USP35: variants seen among roughly 807,000 people sequenced by gnomAD.
USP35 encodes ubiquitin specific peptidase 35.
USP35 carries 69 observed loss-of-function variants against 83.8 expected under a neutral mutation model. The ratio of observed to expected loss-of-function variants is 0.82; its 90% CI spans 0.68 to 1.01. The LOEUF (loss-of-function observed/expected upper bound fraction) is 1.01. Ranked by LOEUF, USP35 falls within the 50% of genes least tolerant of loss-of-function variation. The pLI, the probability that USP35 is intolerant of heterozygous loss-of-function variation, is 0.00. For synonymous variants in USP35, 714 were observed against 589.5 expected (o/e 1.21, Z -3.06); for missense variants, 1,503 against 1,362.5 (o/e 1.10, Z -1.62).
the USP35 span, among the ~76,000 whole-genome samples, chr11:78,233,040 G>GTTTTTTTTTTTTTTTT: frequency 2.3e-3 from 303 of 131,892 alleles, 23 homozygotes; most frequent in African/African-American, 8.4e-3. Context: ...GCACTGTTAA[G>GTTTTTTTTTTTTTTTT]TTTTTTTTTT....
the USP35 span, among the ~76,000 whole-genome samples, chr11:78,233,480 C>T: frequency 6.6e-6 from 1 of 152,168 alleles, no homozygotes; most frequent in African/African-American, 2.4e-5. Context: ...AATCTATTCA[C>T]ATTTTTTGCC....
intron 10 of USP35, among the ~76,000 whole-genome samples, chr11:78,212,403 G>A (rs1164622232): frequency 6.6e-6 from 1 of 152,158 alleles, no homozygotes; most frequent in Non-Finnish European, 1.5e-5. Flanking sequence ...TTTTTGCTTA[G>A]GATGGTCTTG....
chr11:78,206,017 CCTTATTCATGG>C lies in USP35; in HGVS notation c.1375_1385del (p.Leu459ValfsTer2). On this transcript the variant is annotated frameshift_variant, in exon 7 of 11. Transcript: ENST00000529308. LOFTEE classifies it high-confidence loss of function. ...TGCTATGTCAACAGCATCCTTCAGG[CCTTATTCATGG>C]CGTCTGAGTAGGTGCTGCTTTGGAA... 1 of 1,613,568 alleles carries C rather than the reference CCTTATTCATGG, an allele frequency of 6.2e-7. No homozygotes were observed. The highest frequency in any genetic ancestry group is 8.5e-7 in the Non-Finnish European group (1 of 1,179,516).
the USP35 span, chr11:78,223,418 G>A: frequency 5.9e-6 from 9 of 1,525,420 alleles, no homozygotes; most frequent in Non-Finnish European, 7.9e-6. Context: ...TTACCTTTCC[G>A]ATCAGGTTTG....
chr11:78,229,121 C>T, the USP35 span, among the ~76,000 whole-genome samples: 1 of 152,280 alleles, frequency 6.6e-6, no homozygotes, highest in Middle Eastern at 3.4e-3. Flanking sequence ...TAGCTGCTGA[C>T]AGTTGGTATC....
chr11:78,208,822 G>GCTCC, intron 8 of USP35, 35 bp from the exon 9 acceptor site: 1 of 1,612,042 alleles, frequency 6.2e-7, no homozygotes, highest in Non-Finnish European at 8.5e-7. Context: ...GTGGCCTCCT[G>GCTCC]CTCCTGACCA....
chr11:78,207,713 C>A, intron 8 of USP35, 90 bp downstream of exon 8: 1 of 1,314,720 alleles, frequency 7.6e-7, no homozygotes, highest in African/African-American at 1.5e-5. Context: ...GACCTGCCTG[C>A]ATCTGGCTGT....
At chr11:78,190,986 T>A (rs896915711) in intron 1 of USP35, among the ~76,000 whole-genome samples, 5 of 152,112 alleles carry the variant, frequency 3.3e-5, no homozygotes, top group African/African-American at 9.7e-5. Flanking sequence ...TTATTCTGGG[T>A]CCAAGGGGCT....
At chr11:78,203,272 G>GA (rs1863415749) in intron 6 of USP35, among the ~76,000 whole-genome samples, 1 of 152,176 alleles carries the variant, frequency 6.6e-6, no homozygotes, top group Non-Finnish European at 1.5e-5. Context: ...TACGGGGACT[G>GA]AAAAAGGACA....
the USP35 span, chr11:78,220,337 G>C: frequency 6.2e-7 from 1 of 1,612,674 alleles, no homozygotes; most frequent in Non-Finnish European, 8.5e-7. Flanking sequence ...GGGGGCTTGG[G>C]GAGCTCGGCT....
At chr11:78,213,181 TGA>T (rs1863866490) in intron 10 of USP35, among the ~76,000 whole-genome samples, 1 of 152,288 alleles carries the variant, frequency 6.6e-6, no homozygotes, top group Admixed American at 6.5e-5. Context: ...GGCCTGAGGC[TGA>T]GTCAGGCTCT....
At chr11:78,215,506 G>GTGAT (rs1481426211), downstream of USP35, 8 of 152,634 alleles carry the variant, frequency 5.2e-5, no homozygotes, top group South Asian at 2.1e-4. Flanking sequence ...GGCACCAACA[G>GTGAT]TGATTTGAAA....
chr11:78,203,481 T>C (rs1358851790), intron 6 of USP35, among the ~76,000 whole-genome samples: 1 of 152,220 alleles, frequency 6.6e-6, no homozygotes, highest in African/African-American at 2.4e-5. Flanking sequence ...TCACCCAAAG[T>C]AGCCTGACAT....
At chr11:78,213,527 C>T (rs990312272) in intron 10 of USP35, 119 bp from the exon 11 acceptor site, 2 of 1,201,892 alleles carry the variant, frequency 1.7e-6, no homozygotes, top group Non-Finnish European at 2.2e-6. Flanking sequence ...TGCAATGTCT[C>T]TGTGTGTCCA....
At chr11:78,231,336 G>GGTGTGTGTGTGTGTGTGTGTGTGTGT in the USP35 span, among the ~76,000 whole-genome samples, 117 of 145,892 alleles carry the variant, frequency 8.0e-4, no homozygotes, top group African/African-American at 2.7e-3. Flanking sequence ...GCGCGTGTGT[G>GGTGTGTGTGTGTGTGTGTGTGTGTGT]GTGTGTGTGT....
At chr11:78,227,157 A>T in the USP35 span, 1 of 713,508 alleles carries the variant, frequency 1.4e-6, no homozygotes, top group Non-Finnish European at 2.4e-6. Flanking sequence ...GGCATCTGTA[A>T]AATGGTGACT....
chr11:78,229,897 A>G, the USP35 span, among the ~76,000 whole-genome samples: 49 of 152,182 alleles, frequency 3.2e-4, no homozygotes, highest in Non-Finnish European at 6.3e-4. Context: ...AACTCATCTC[A>G]GAAGACACAT....
intron 7 of USP35, 80 bp downstream of exon 7, chr11:78,206,115 G>C (rs114445567): frequency 1.3e-6 from 2 of 1,522,354 alleles, no homozygotes; most frequent in Non-Finnish European, 1.8e-6. Context: ...AAGGTGTCCG[G>C]GGTGGGGGTT....
downstream of USP35, chr11:78,217,756 A>G (rs1318056997): frequency 1.3e-5 from 2 of 152,228 alleles, no homozygotes; most frequent in Non-Finnish European, 2.9e-5. Flanking sequence ...GGAGAGTCCA[A>G]GATGGCTCCT....
Sources: allele counts gnomAD v4.1 joint callset (sites outside exome capture counted in the v4.1 genomes callset), GRCh38; gene constraint gnomAD v4.1.1; transcripts MANE v1.5; gene names NCBI Gene and HGNC (gene_info 2026-07-23, HGNC 2026-07-21).